Variants in KIF13A observed in about 807,000 individuals in gnomAD.
The protein encoded by KIF13A is kinesin family member 13A.
KIF13A carries 79 observed loss-of-function variants against 212.2 expected under a neutral mutation model. The ratio of observed to expected loss-of-function variants is 0.37; its 90% CI spans 0.31 to 0.45. The LOEUF is 0.45. Ranked by LOEUF, KIF13A falls within the 20% of genes least tolerant of loss-of-function variation. KIF13A has a pLI of 1.00. For missense variants in KIF13A, 1,901 were observed against 2,209.0 expected, an observed-to-expected ratio of 0.86 and a Z score of 2.79; for synonymous variants, 789 against 808.6, an observed-to-expected ratio of 0.98 and a Z score of 0.41.
At chr6:17,939,656 G>C (rs1776775502) in intron 2 of KIF13A, among the ~76,000 whole-genome samples, 1 of 152,200 alleles carries the variant, frequency 6.6e-6, no homozygotes, top group African/African-American at 2.4e-5. Flanking sequence ...ATGAGGTAAA[G>C]AAGCGGCTAA....
At chr6:17,876,337 C>T (rs1581607192) in intron 3 of KIF13A, among the ~76,000 whole-genome samples, 2 of 152,244 alleles carry the variant, frequency 1.3e-5, no homozygotes, top group South Asian at 4.1e-4. Context: ...CCTATTAACC[C>T]CAAATTCCTC....
At chr6:17,876,116 T>G (rs992953630) in intron 3 of KIF13A, among the ~76,000 whole-genome samples, 1 of 152,156 alleles carries the variant, frequency 6.6e-6, no homozygotes, top group Non-Finnish European at 1.5e-5. Flanking sequence ...GCATATCCCT[T>G]AGCAAATGCA....
At chr6:17,819,964 A>G (rs1190101483) in intron 16 of KIF13A, among the ~76,000 whole-genome samples, 1 of 152,114 alleles carries the variant, frequency 6.6e-6, no homozygotes, top group Non-Finnish European at 1.5e-5. Flanking sequence ...TTTCCAGAGA[A>G]GCTGGAAAAC....
intron 3 of KIF13A, among the ~76,000 whole-genome samples, chr6:17,887,164 G>T (rs1441284503): frequency 6.6e-6 from 1 of 152,148 alleles, no homozygotes; most frequent in Non-Finnish European, 1.5e-5. Context: ...AGAAGCCACT[G>T]CACAGTTCTC....
At chr6:17,975,227 T>A (rs1241255788) in intron 2 of KIF13A, among the ~76,000 whole-genome samples, 2 of 152,122 alleles carry the variant, frequency 1.3e-5, no homozygotes, top group Non-Finnish European at 2.9e-5. Flanking sequence ...GTGGCAGGTT[T>A]CTGTAATCCC....
Position 17,808,882 on chromosome 6 carries a change from A to G in KIF13A, c.2049T>C (p.Val683=), listed in dbSNP as rs1414152933. Residue 683 remains valine (V), a synonymous_variant, in exon 18 of 39, where the codon GTT becomes GTC. Coordinates refer to ENST00000259711, the MANE Select transcript of KIF13A (RefSeq NM_022113.6). Reference sequence around the variant, plus strand: ...CTTCCCTCACCAAGGTATTAGCTTTAACCAGCTGCTCTCGCAGTTTTGCCA... The same window carrying G: ...CTTCCCTCACCAAGGTATTAGCTTTGACCAGCTGCTCTCGCAGTTTTGCCA... ...QSLAKLREQL[V]KANTLVREAN... 1 of 1,613,384 alleles carries G rather than the reference A, an allele frequency of 6.2e-7. No individual in the cohort carries two copies. The highest frequency in any genetic ancestry group is 8.5e-7 in the Non-Finnish European group (1 of 1,179,686).
At position 17,987,527 on chromosome 6, in the gene KIF13A, G is replaced by GCGC. The variant is rs1554129142; in HGVS notation, c.-67_-65dup. The GCGC allele has an allele frequency of 4.3e-6, 4 of 930,578 alleles. No individual in the cohort carries two copies. Among genetic ancestry groups the GCGC allele is most frequent in the Non-Finnish European group, 3.9e-6 (3 of 766,464 alleles). The allele number at this position is 930,578 out of a possible 1,614,324, so 57.6% of individuals were successfully genotyped here. ...GGCCTTAGGCGGCCCCTCACGCGCG[G>GCGC]CGCCGCCGCCGCTGCAGCCGCGCGC... On this transcript the variant is annotated 5_prime_UTR_variant, in exon 1 of 39. Coordinates refer to ENST00000259711, the MANE Select transcript of KIF13A (RefSeq NM_022113.6). The surrounding 1 kb of genome is among the most constrained non-coding windows in gnomAD (Gnocchi z 7.7).
chr6:17,777,252 C>G lies in KIF13A; in HGVS notation c.4170+25G>C. 2 of 1,573,972 alleles carry G rather than the reference C, an allele frequency of 1.3e-6. No individual in the cohort carries two copies. The highest frequency in any genetic ancestry group is 1.7e-4 in the Middle Eastern group (1 of 5,992). On this transcript the variant is annotated intron_variant, in intron 34 of 38. Transcript: ENST00000259711. This position sits in a 1 kb window ranked among gnomAD's most constrained non-coding sequence, Gnocchi z 4.4. ...GAGGCTGCGACATGTCACATAGGAGCAGATCCTTGGCAGGATGCACTTACA... is the reference window on the plus strand; with the variant it reads ...GAGGCTGCGACATGTCACATAGGAGGAGATCCTTGGCAGGATGCACTTACA...
At chr6:17,957,268 C>A (rs2150580535) in intron 2 of KIF13A, among the ~76,000 whole-genome samples, 1 of 152,174 alleles carries the variant, frequency 6.6e-6, no homozygotes, top group African/African-American at 2.4e-5. Context: ...GGAGAGCTTC[C>A]AGATCACTGA....
intron 4 of KIF13A, among the ~76,000 whole-genome samples, chr6:17,862,077 G>A (rs747569026): frequency 1.6e-4 from 24 of 152,052 alleles, no homozygotes; most frequent in Non-Finnish European, 2.4e-4. Flanking sequence ...GTGTGGTGGC[G>A]GGATCACAGC....
chr6:17,837,546 C>T lies in KIF13A; in HGVS notation c.868G>A (p.Ala290Thr), dbSNP rs769541785. ...TTLGLVISSL[A>T]DQAAGKGKSK... is the part of the protein sequence containing the mutation. ...TTACCCTTGCCAGCTGCCTGGTCAGCCAGTGATGATATAACCAACCCCAAG... is the reference window on the plus strand; with the variant it reads ...TTACCCTTGCCAGCTGCCTGGTCAGTCAGTGATGATATAACCAACCCCAAG... Residue 290 changes from alanine (A) to threonine (T), a missense_variant, in exon 10 of 39, where the codon GCT (alanine) becomes ACT (threonine). Ala to Thr is a moderately conservative substitution (Grantham distance 58). Around this residue, in one of 5 missense-constraint regions of KIF13A, gnomAD observed 506 missense variants for 637.4 expected, o/e 0.79. Transcript: ENST00000259711. The surrounding 1 kb of genome is among the most constrained non-coding windows in gnomAD (Gnocchi z 5.4). 28 of 1,609,022 alleles carry T rather than the reference C, an allele frequency of 1.7e-5. No individual in the cohort carries two copies. The highest frequency in any genetic ancestry group is 2.2e-5 in the Non-Finnish European group (26 of 1,177,564).
chr6:17,760,674 C>T (rs189588966), downstream of KIF13A: 81 of 607,208 alleles, frequency 1.3e-4, no homozygotes, highest in African/African-American at 1.2e-3. Context: ...GACAAAGTGC[C>T]GCTTCTCCCA....
rs1777801197 is a variant in KIF13A at position 17,951,069 on chromosome 6, A to C, written c.146+35985T>G. 2 of 1,074,934 alleles carry C rather than the reference A, an allele frequency of 1.9e-6. No homozygotes were observed. Among genetic ancestry groups the C allele is most frequent in the Non-Finnish European group, 2.2e-6 (2 of 889,416 alleles). 66.6% of individuals were successfully genotyped at this position (1,074,934 alleles called of 1,614,324 possible). A position where few individuals can be genotyped will look rare whatever the true frequency, so the allele number is the denominator to read the frequency against. On this transcript the variant is annotated intron_variant, in intron 2 of 38. Transcript: ENST00000259711. This position sits in a 1 kb window ranked among gnomAD's most constrained non-coding sequence, Gnocchi z 4.9. Reference sequence around the variant, plus strand: ...TTAGTAGTACACCTAAGGACACCTAAGGAATTGTACTTATTATATATAACA... The same window carrying C: ...TTAGTAGTACACCTAAGGACACCTACGGAATTGTACTTATTATATATAACA...
At chr6:17,781,388 G>T in intron 29 of KIF13A, 87 bp from the exon 30 acceptor site, 1 of 1,371,252 alleles carries the variant, frequency 7.3e-7, no homozygotes, top group Non-Finnish European at 9.8e-7. Context: ...GCTTTTTACA[G>T]TTGAAGTTTA....
chr6:17,786,778 T>C lies in KIF13A; in HGVS notation c.3361+998A>G, dbSNP rs993642118. On this transcript the variant is annotated intron_variant, in intron 27 of 38. Transcript: ENST00000259711. The surrounding 1 kb of genome is among the most constrained non-coding windows in gnomAD (Gnocchi z 5.4). ...TCTAAGTGAGTTTTCATTAGCAGCC[T>C]GAGCACACACACAAGGCGACATCAC... Among the ~76,000 whole-genome samples, 1 of 152,150 alleles carries C rather than the reference T, an allele frequency of 6.6e-6. No homozygotes were observed. The highest frequency in any genetic ancestry group is 1.5e-5 in the Non-Finnish European group (1 of 68,014).
In KIF13A at chr6:17,764,336, T is replaced by C. The variant is rs1214430412; in HGVS notation, c.5192A>G (p.Glu1731Gly). The C allele has an allele frequency of 6.2e-7, 1 of 1,614,006 alleles. No individual in the cohort carries two copies. Among genetic ancestry groups the C allele is most frequent in the Admixed American group, 1.7e-5 (1 of 60,010 alleles). Reference sequence around the variant, plus strand: ...CATAAATTCTGTGAAAGAATGGTCTTCAAGGATGTTGGTGGTGTGTTCTAC... The same window carrying C: ...CATAAATTCTGTGAAAGAATGGTCTCCAAGGATGTTGGTGGTGTGTTCTAC... The part of the protein sequence containing the change: ...VTVEHTTNIL[E>G]DHSFTEFMGV... The change falls in exon 39 of 39, where the codon GAA (glutamate) becomes GGA (glycine). Residue 1731 changes from glutamate (E) to glycine (G), a missense_variant. Glu to Gly is a moderately conservative substitution (Grantham distance 98). Transcript: ENST00000259711. This position sits in a 1 kb window ranked among gnomAD's most constrained non-coding sequence, Gnocchi z 5.1.
intron 38 of KIF13A, 126 bp downstream of exon 38, chr6:17,770,988 T>C (rs2150291580): frequency 1.6e-6 from 1 of 638,708 alleles, no homozygotes; most frequent in Non-Finnish European, 2.7e-6. Context: ...AATGGTCACA[T>C]TTTTATTTTC....
In KIF13A at chr6:17,872,320, A is replaced by AT. The variant is rs1770090260; in HGVS notation, c.220+1056dup. 6.6e-6 allele frequency among the ~76,000 whole-genome samples: 1 copy of AT among 152,104 alleles called. No homozygotes were observed. Among genetic ancestry groups the AT allele is most frequent in the African/African-American group, 2.4e-5 (1 of 41,424 alleles). ...CTTTTAAGGCCAATATCCTCCCTTC[A>AT]TTTTTTTGTTTTTAACTAACTGAGA... is the stretch of plus-strand genomic sequence containing the variant. On this transcript the variant is annotated intron_variant, in intron 4 of 38. Transcript: ENST00000259711. This position sits in a 1 kb window ranked among gnomAD's most constrained non-coding sequence, Gnocchi z 4.7.
intron 4 of KIF13A, among the ~76,000 whole-genome samples, chr6:17,858,549 G>T (rs775256827): frequency 6.6e-6 from 1 of 152,130 alleles, no homozygotes; most frequent in Admixed American, 6.5e-5. Flanking sequence ...TTTTCTCAAA[G>T]GACCTTCCTT....
Sources: gnomAD v4.1 joint callset for allele counts (sites outside exome capture counted in the v4.1 genomes callset) on GRCh38, gnomAD v4.1.1 for gene constraint, gnomAD v4.1.1 regional missense constraint, Gnocchi (gnomAD v3.1) non-coding constraint, MANE v1.5 for transcripts, NCBI Gene and HGNC (gene_info 2026-07-23, HGNC 2026-07-21) for gene names.